The following THRB variants were observed in gnomAD, a reference collection of about 807,000 sequenced individuals.
The protein encoded by THRB is nuclear receptor subfamily 1 group A member 2.
Under a neutral mutation model 47.8 loss-of-function variants are expected in THRB, and 12 were observed. The observed-to-expected ratio is 0.25, with a 90% CI of 0.16 to 0.41. The LOEUF is 0.41. Among genes scored for constraint, THRB ranks in the 10% least tolerant of loss-of-function variants. The pLI, the probability that THRB is intolerant of heterozygous loss-of-function variation, is 1.00. For synonymous variants in THRB, 218 were observed against 212.2 expected, an observed-to-expected ratio of 1.03 and a Z score of -0.24; for missense variants, 348 against 589.2, an observed-to-expected ratio of 0.59 and a Z score of 4.24.
intron 4 of THRB, among the ~76,000 whole-genome samples, chr3:24,209,763 A>G (rs931790458): frequency 1.3e-5 from 2 of 152,212 alleles, no homozygotes; most frequent in African/African-American, 4.8e-5. Context: ...AAGATGGCAC[A>G]TGTATACAAA....
intron 1 of THRB, among the ~76,000 whole-genome samples, chr3:24,463,417 TA>T (rs1294953624): frequency 6.6e-6 from 1 of 152,142 alleles, no homozygotes; most frequent in Non-Finnish European, 1.5e-5. Context: ...CATGTGCGGC[TA>T]ATTTTTTTTA....
intron 1 of THRB, among the ~76,000 whole-genome samples, chr3:24,457,698 T>C (rs2073319029): frequency 2.6e-5 from 4 of 152,218 alleles, no homozygotes; most frequent in Admixed American, 2.6e-4. Context: ...TTTCTAAAAA[T>C]AGGACTGTTT....
intron 1 of THRB, among the ~76,000 whole-genome samples, chr3:24,401,022 G>A (rs1275745888): frequency 6.6e-6 from 1 of 151,982 alleles, no homozygotes; most frequent in Admixed American, 6.6e-5. Context: ...ATAACCCAAA[G>A]TGTCTGAGAC....
intron 8 of THRB, among the ~76,000 whole-genome samples, chr3:24,135,636 G>A (rs1261062353): frequency 6.6e-6 from 1 of 151,850 alleles, no homozygotes; most frequent in African/African-American, 2.4e-5. Flanking sequence ...AAAGTAAAAG[G>A]TACCTGTGTT....
chr3:24,474,552 G>A (rs1034052319), intron 1 of THRB, among the ~76,000 whole-genome samples: 8 of 152,194 alleles, frequency 5.3e-5, no homozygotes, highest in Non-Finnish European at 8.8e-5. Context: ...CTTTGTGATA[G>A]TCTACCAGAA....
At chr3:24,439,443 A>AT (rs959564804) in intron 1 of THRB, among the ~76,000 whole-genome samples, 1 of 152,252 alleles carries the variant, frequency 6.6e-6, no homozygotes, top group African/African-American at 2.4e-5. Flanking sequence ...TCTGTCTGGG[A>AT]TCTGTTGTAT....
At chr3:24,196,225 G>A (rs571456713) in intron 4 of THRB, among the ~76,000 whole-genome samples, 1 of 152,120 alleles carries the variant, frequency 6.6e-6, no homozygotes, top group Admixed American at 6.5e-5. Flanking sequence ...AGTTAAAGTT[G>A]CTTCTGGTTG....
chr3:24,403,386 A>C (rs1283164888), intron 1 of THRB, among the ~76,000 whole-genome samples: 1 of 151,994 alleles, frequency 6.6e-6, no homozygotes, highest in African/African-American at 2.4e-5. Flanking sequence ...TTTGGAGCAA[A>C]TAAGATAAAA....
chr3:24,472,388 G>A (rs1392073871), intron 1 of THRB, among the ~76,000 whole-genome samples: 1 of 152,110 alleles, frequency 6.6e-6, no homozygotes, highest in Non-Finnish European at 1.5e-5. Flanking sequence ...ACATCTATAG[G>A]AATCCAGCCC....
At chr3:24,180,028 T>C (rs1269878533) in intron 5 of THRB, among the ~76,000 whole-genome samples, 1 of 152,192 alleles carries the variant, frequency 6.6e-6, no homozygotes, top group Non-Finnish European at 1.5e-5. Flanking sequence ...GATACCTGTT[T>C]CCCTGGAAAC....
At chr3:24,300,258 C>T (rs2056843036) in intron 2 of THRB, among the ~76,000 whole-genome samples, 1 of 152,152 alleles carries the variant, frequency 6.6e-6, no homozygotes, top group South Asian at 2.1e-4. Flanking sequence ...GGTGTTGCGA[C>T]TCAAAAGAAA....
rs996504116 is a variant in THRB, at chr3:24,165,325, T to C, written c.284-12835A>G. On this transcript the variant is annotated intron_variant, in intron 5 of 10. Transcript: ENST00000646209. ...AATTGCTGCCGGCAGCTGGGTGCAC[T>C]TCATATATTTCTTGCATACAGTAGT... The C allele has an allele frequency of 3.9e-6, 3 of 764,586 alleles. No homozygotes were observed. The South Asian group carries it at 4.0e-5, about 10-fold the overall frequency. The allele number at this position is 764,586 out of a possible 1,614,324, so 47.4% of individuals were successfully genotyped here.
rs77502660 is a variant in THRB, at chr3:24,297,583, C to T, written c.-188-212G>A. Among the ~76,000 whole-genome samples, 15,202 of 152,292 alleles carry T rather than the reference C, an allele frequency of 0.1. 975 individuals carry two copies. Among genetic ancestry groups the T allele is most frequent in the South Asian group, 0.14 (665 of 4,826 alleles). On this transcript the variant is annotated intron_variant, in intron 2 of 10. Coordinates refer to ENST00000646209, the MANE Select transcript of THRB (RefSeq NM_001354712.2). ...GTAAGCACTTGCCTTACGTGGCATCCACAGGCCAGGGAAATGGTGGGATGC... is the reference window on the plus strand; with the variant it reads ...GTAAGCACTTGCCTTACGTGGCATCTACAGGCCAGGGAAATGGTGGGATGC...
chr3:24,260,938 C>T (rs1272615018), intron 3 of THRB, among the ~76,000 whole-genome samples: 2 of 152,172 alleles, frequency 1.3e-5, no homozygotes, highest in Non-Finnish European at 2.9e-5. Flanking sequence ...GGTTGCTGGC[C>T]CCAACCCCAG....
chr3:24,254,199 TAAAAAAAAAAAAAAAAAAAAAAAAAAAA>T (rs57275069), intron 3 of THRB, among the ~76,000 whole-genome samples: 5 of 34,618 alleles, frequency 1.4e-4, no homozygotes, highest in East Asian at 8.2e-4. Flanking sequence ...CTGTCTCTAC[TAAAAAAAAAAAAAAAAAAAAAAAAAAAA>T]AAAAAAAAAA....
At chr3:24,234,024 T>A (rs1037004703) in intron 3 of THRB, among the ~76,000 whole-genome samples, 4 of 152,204 alleles carry the variant, frequency 2.6e-5, no homozygotes, top group Non-Finnish European at 5.9e-5. Flanking sequence ...TAAGCTGCAA[T>A]AAAGCAGGCG....
At chr3:24,226,319 T>G (rs1339515190) in intron 4 of THRB, among the ~76,000 whole-genome samples, 1 of 152,186 alleles carries the variant, frequency 6.6e-6, no homozygotes, top group Non-Finnish European at 1.5e-5. Context: ...TCCTTTGGGT[T>G]TCTTAAAACA....
rs141592965 is a variant in THRB at position 24,468,533 on chromosome 3, G to A, written c.-261+26119C>T. On this transcript the variant is annotated intron_variant, in intron 1 of 10. Transcript: ENST00000646209. The stretch of plus-strand genomic sequence containing the variant: ...TTGAACACTTAGAGGCTATTGTAGG[G>A]TTACTAACTGGCCTAATTTCTACAT... 4.6e-3 allele frequency among the ~76,000 whole-genome samples: 697 copies of A among 152,288 alleles called. 8 individuals are homozygous for A. Among genetic ancestry groups the A allele is most frequent in the East Asian group, 0.018 (95 of 5,184 alleles).
intron 1 of THRB, among the ~76,000 whole-genome samples, chr3:24,370,538 T>C (rs189160541): frequency 2.4e-4 from 36 of 152,024 alleles, no homozygotes; most frequent in African/African-American, 7.9e-4. Context: ...AATACAGCAC[T>C]CCAAGGAGAT....
Sources: gnomAD v4.1 joint callset for allele counts (sites outside exome capture counted in the v4.1 genomes callset) on GRCh38, gnomAD v4.1.1 for gene constraint, MANE v1.5 for transcripts, NCBI Gene and HGNC (gene_info 2026-07-23, HGNC 2026-07-21) for gene names.